Variants in HLF observed in about 807,000 individuals in gnomAD.
The protein encoded by HLF is hepatic leukemia factor.
A neutral mutation model predicts 22.6 loss-of-function variants in HLF; 3 were observed. The observed-to-expected ratio is 0.13, with a 90% CI of 0.06 to 0.34. HLF has a LOEUF of 0.34. HLF is among the 10% of genes least tolerant of loss of function. The pLI, the probability that HLF is intolerant of heterozygous loss-of-function variation, is 1.00. For missense variants in HLF, 299 were observed against 389.2 expected (o/e 0.77, Z 1.95); for synonymous variants, 151 against 151.8 (o/e 0.99, Z 0.04).
chr17:55,304,974 T>C (rs992461846), intron 2 of HLF, among the ~76,000 whole-genome samples: 2 of 152,246 alleles, frequency 1.3e-5, no homozygotes, highest in African/African-American at 4.8e-5. Flanking sequence ...GGAAAGGGGC[T>C]CAGGCCAGAG....
At chr17:55,273,332 C>T (rs1357508211) in intron 2 of HLF, among the ~76,000 whole-genome samples, 15 of 152,242 alleles carry the variant, frequency 9.9e-5, no homozygotes, top group Admixed American at 8.5e-4. Flanking sequence ...GTGTATTGCA[C>T]GAGTACTGGG....
chr17:55,315,248 G>A lies in HLF; in HGVS notation c.473G>A (p.Arg158His), dbSNP rs771695827. 9.3e-6 allele frequency: 15 copies of A among 1,613,960 alleles called. No homozygotes were observed. The highest frequency in any genetic ancestry group is 1.3e-5 in the Non-Finnish European group (15 of 1,179,982). ...CCAGGTCAGCTGTTGCCAGCAAACC[G>A]CAATACACCAAGTCCCATTGATCCT... ...IRPGQLLPAN[R>H]NTPSPIDPDT... is the part of the protein sequence containing the mutation. Residue 158 changes from arginine (R) to histidine (H), a missense_variant, in exon 3 of 4, where the codon CGC becomes CAC. Arg to His is a conservative substitution (Grantham distance 29, BLOSUM62 0). This residue lies in a region of HLF where 224 missense variants were observed against 298.1 expected (regional missense o/e 0.75). Coordinates refer to ENST00000226067, the MANE Select transcript of HLF (RefSeq NM_002126.5).
At chr17:55,295,924 T>G (rs1213095527) in intron 2 of HLF, among the ~76,000 whole-genome samples, 1 of 152,220 alleles carries the variant, frequency 6.6e-6, no homozygotes, top group Non-Finnish European at 1.5e-5. Flanking sequence ...TATATTAGAA[T>G]GTATTGACTA....
chr17:55,277,009 T>C (rs2080909615), intron 2 of HLF, among the ~76,000 whole-genome samples: 1 of 152,178 alleles, frequency 6.6e-6, no homozygotes, highest in Admixed American at 6.5e-5. Context: ...TTAGGTTTCA[T>C]TTATAAAACC....
chr17:55,284,150 A>G (rs2080979884), intron 2 of HLF: 2 of 152,358 alleles, frequency 1.3e-5, no homozygotes, highest in South Asian at 4.1e-4. Flanking sequence ...TGTTTCTAAC[A>G]TAGCCAGCCA....
intron 3 of HLF, among the ~76,000 whole-genome samples, chr17:55,319,243 A>G (rs1905180386): frequency 6.6e-6 from 1 of 152,116 alleles, no homozygotes; most frequent in African/African-American, 2.4e-5. Flanking sequence ...GGTAATGGGC[A>G]GTTTTGGGGG....
intron 2 of HLF, among the ~76,000 whole-genome samples, chr17:55,286,001 T>C (rs1477739180): frequency 1.3e-5 from 2 of 152,080 alleles, no homozygotes; most frequent in African/African-American, 4.8e-5. Context: ...TCTTGCAAAA[T>C]CAGTAAACAG....
At chr17:55,277,988 A>C (rs2145310268) in intron 2 of HLF, among the ~76,000 whole-genome samples, 1 of 152,214 alleles carries the variant, frequency 6.6e-6, no homozygotes, top group Middle Eastern at 3.4e-3. Flanking sequence ...TTAACTCACT[A>C]CCCATCCAAT....
In HLF at chr17:55,321,506, C is replaced by T. The variant is rs1478695810; in HGVS notation, c.*627C>T. On this transcript the variant is annotated 3_prime_UTR_variant, in exon 4 of 4. Transcript: ENST00000226067. Reference sequence around the variant, plus strand: ...TATTAGATCCCATATTTACTTACTGCTATCTACTAAGTTTCCTTTTAATTC... The same window carrying T: ...TATTAGATCCCATATTTACTTACTGTTATCTACTAAGTTTCCTTTTAATTC... 1 of 229,442 alleles carries T rather than the reference C, an allele frequency of 4.4e-6. No individual in the cohort carries two copies. The highest frequency in any genetic ancestry group is 6.3e-5 in the East Asian group (1 of 15,970). The allele number at this position is 229,442 out of a possible 1,614,324, so 14.2% of individuals were successfully genotyped here.
chr17:55,265,542 G>A lies in HLF; in HGVS notation c.58G>A (p.Gly20Ser). 6.2e-7 allele frequency: 1 copy of A among 1,610,500 alleles called. No homozygotes were observed. Reference protein sequence around the residue: ...LNPTFIPPPYGVLRSLLENPL... With the variant: ...LNPTFIPPPYSVLRSLLENPL... ...TCCCACCTTTATCCCGCCTCCCTACGGCGTGCTCAGGTCCCTGCTGGAGAA... is the reference window on the plus strand; with the variant it reads ...TCCCACCTTTATCCCGCCTCCCTACAGCGTGCTCAGGTCCCTGCTGGAGAA... Residue 20 changes from glycine (G) to serine (S), a missense_variant, in exon 1 of 4, where the codon GGC becomes AGC. This residue lies in a region of HLF where 72 missense variants were observed against 74.0 expected (regional missense o/e 0.97). Coordinates refer to ENST00000226067, the MANE Select transcript of HLF (RefSeq NM_002126.5).
intron 2 of HLF, among the ~76,000 whole-genome samples, chr17:55,313,920 G>T (rs750918659): frequency 4.6e-5 from 7 of 152,156 alleles, no homozygotes; most frequent in Non-Finnish European, 1.0e-4. Flanking sequence ...GAAGACAGAT[G>T]ATCACGGTTT....
In HLF at chr17:55,318,773, T is replaced by G. The variant is rs114391026; in HGVS notation, c.673-1891T>G. ...TAGATTTACTGATACTGTGAAGGGA[T>G]TGGAACCCAGGCTTCTATCAAAACA... On this transcript the variant is annotated intron_variant, in intron 3 of 3. Transcript: ENST00000226067. Among the ~76,000 whole-genome samples, 1,008 of 152,254 alleles carry G rather than the reference T, an allele frequency of 6.6e-3. 11 individuals carry two copies. The highest frequency in any genetic ancestry group is 0.023 in the African/African-American group (972 of 41,540).
intron 3 of HLF, among the ~76,000 whole-genome samples, chr17:55,319,977 C>T (rs1012166570): frequency 6.6e-6 from 1 of 152,142 alleles, no homozygotes; most frequent in African/African-American, 2.4e-5. Flanking sequence ...CACATAGTGG[C>T]ATATCATATG....
chr17:55,321,443 G>A lies in HLF; in HGVS notation c.*564G>A, dbSNP rs1905259631. The A allele has an allele frequency of 4.3e-6, 1 of 231,896 alleles. No homozygotes were observed. The highest frequency in any genetic ancestry group is 1.8e-4 in the South Asian group (1 of 5,510). 14.4% of individuals were successfully genotyped at this position (231,896 alleles called of 1,614,324 possible). ...TTGCTTTCCTCTTACTTTCAGTTTT[G>A]GTGATAATCGTCTTCAAATTAAAGT... On this transcript the variant is annotated 3_prime_UTR_variant, in exon 4 of 4. Coordinates refer to ENST00000226067, the MANE Select transcript of HLF (RefSeq NM_002126.5).
In HLF at chr17:55,323,273, A is replaced by G. The variant is rs1437797649; in HGVS notation, c.*2394A>G. Reference sequence around the variant, plus strand: ...AGCAATATGAGACACAGGTGGACGTAGAGTTGGCCTTTTTACAGGCAAAGA... The same window carrying G: ...AGCAATATGAGACACAGGTGGACGTGGAGTTGGCCTTTTTACAGGCAAAGA... On this transcript the variant is annotated 3_prime_UTR_variant, in exon 4 of 4. Transcript: ENST00000226067. The G allele has an allele frequency of 4.6e-6, 1 of 217,224 alleles. No individual in the cohort carries two copies. Among genetic ancestry groups the G allele is most frequent in the East Asian group, 6.8e-5 (1 of 14,682 alleles). The allele number at this position is 217,224 out of a possible 1,614,324, so 13.5% of individuals were successfully genotyped here.
chr17:55,315,437 A>T lies in HLF; in HGVS notation c.662A>T (p.Asp221Val). The change falls in exon 3 of 4, where the codon GAT becomes GTT. Residue 221 changes from aspartate to valine, a missense_variant. Asp to Val is a radical substitution (Grantham distance 152). Coordinates refer to ENST00000226067, the MANE Select transcript of HLF (RefSeq NM_002126.5). ...IKKARKVFIPDDLKDDKYWAR... is the reference protein window; with the variant it reads ...IKKARKVFIPVDLKDDKYWAR... ...AAAGCTCGCAAAGTCTTCATCCCTG[A>T]TGACCTGAAGGTAAATTGGAACTGG... 1 of 1,613,302 alleles carries T rather than the reference A, an allele frequency of 6.2e-7. No individual in the cohort carries two copies. The highest frequency in any genetic ancestry group is 8.5e-7 in the Non-Finnish European group (1 of 1,179,212).
intron 2 of HLF, among the ~76,000 whole-genome samples, chr17:55,297,545 CTCT>C (rs2081120718): frequency 1.3e-5 from 2 of 151,790 alleles, no homozygotes; most frequent in Non-Finnish European, 2.9e-5. Context: ...GTGGTTATTG[CTCT>C]TCTTTACTGC....
chr17:55,315,436 G>A lies in HLF; in HGVS notation c.661G>A (p.Asp221Asn). 2 of 1,613,312 alleles carry A rather than the reference G, an allele frequency of 1.2e-6. No homozygotes were observed. The highest frequency in any genetic ancestry group is 1.7e-6 in the Non-Finnish European group (2 of 1,179,252). ...IKKARKVFIP[D>N]DLKDDKYWAR... Reference sequence around the variant, plus strand: ...GAAAGCTCGCAAAGTCTTCATCCCTGATGACCTGAAGGTAAATTGGAACTG... The same window carrying A: ...GAAAGCTCGCAAAGTCTTCATCCCTAATGACCTGAAGGTAAATTGGAACTG... Residue 221 changes from aspartate to asparagine, a missense_variant, in exon 3 of 4, where the codon GAT becomes AAT. Asp to Asn is a conservative substitution (Grantham distance 23). Around this residue, in one of 3 missense-constraint regions of HLF, gnomAD observed 224 missense variants for 298.1 expected, o/e 0.75. Coordinates refer to ENST00000226067, the MANE Select transcript of HLF (RefSeq NM_002126.5).
intron 2 of HLF, among the ~76,000 whole-genome samples, chr17:55,287,317 C>G (rs534796784): frequency 6.6e-6 from 1 of 152,174 alleles, no homozygotes; most frequent in African/African-American, 2.4e-5. Flanking sequence ...TTTGTTTGAT[C>G]GATGAACACT....
Sources: gnomAD v4.1 joint callset for allele counts (sites outside exome capture counted in the v4.1 genomes callset) on GRCh38, gnomAD v4.1.1 for gene constraint, gnomAD v4.1.1 regional missense constraint, MANE v1.5 for transcripts, NCBI Gene and HGNC (gene_info 2026-07-23, HGNC 2026-07-21) for gene names.